The following SRPK1 variants were observed in gnomAD, a reference collection of about 807,000 sequenced individuals.
SRPK1 encodes SFRS protein kinase 1.
Under a neutral mutation model 89.5 loss-of-function variants are expected in SRPK1, and 52 were observed. The observed-to-expected ratio is 0.58, with a 90% CI of 0.46 to 0.73. The LOEUF (loss-of-function observed/expected upper bound fraction) is 0.73, where lower values mean the gene tolerates loss of function less well. Among genes scored for constraint, SRPK1 ranks in the 30% least tolerant of loss-of-function variants. The pLI, the probability that SRPK1 is intolerant of heterozygous loss-of-function variation, is 0.00. For missense variants in SRPK1, 603 were observed against 780.6 expected (o/e 0.77, Z 2.71); for synonymous variants, 255 against 270.2 (o/e 0.94, Z 0.55).
chr6:35,910,006 G>A (rs1268934633), intron 2 of SRPK1, among the ~76,000 whole-genome samples: 1 of 151,056 alleles, frequency 6.6e-6, no homozygotes, highest in Non-Finnish European at 1.5e-5. Context: ...TTTTTAAGAT[G>A]GAGTTTCGCT....
intron 2 of SRPK1, among the ~76,000 whole-genome samples, chr6:35,912,136 C>T (rs543766576): frequency 2.1e-4 from 32 of 151,748 alleles, no homozygotes; most frequent in Middle Eastern, 3.4e-3. Flanking sequence ...GAATTCAAGG[C>T]CAGCTTGAGG....
At chr6:35,836,794 T>A (rs1000893124) in intron 15 of SRPK1, among the ~76,000 whole-genome samples, 5 of 149,296 alleles carry the variant, frequency 3.3e-5, no homozygotes, top group Non-Finnish European at 5.9e-5. Context: ...TAATTTTTTT[T>A]AAACATAAAA....
At position 35,918,361 on chromosome 6, in the gene SRPK1, C is replaced by T. The variant is rs570197901; in HGVS notation, c.74+2107G>A. Among the ~76,000 whole-genome samples the T allele has an allele frequency of 2.6e-4, 40 of 151,920 alleles. 1 individual carries two copies. Among genetic ancestry groups the T allele is most frequent in the Admixed American group, 2.6e-4 (4 of 15,270 alleles). ...ACAAAAAATACAAAAATTAACCAGG[C>T]GTAGTGGCACACGCCTGTAGTCCCA... On this transcript the variant is annotated intron_variant, in intron 2 of 15. Coordinates refer to ENST00000373825, the MANE Select transcript of SRPK1 (RefSeq NM_003137.5).
At chr6:35,900,010 AT>A (rs200323366) in intron 2 of SRPK1, among the ~76,000 whole-genome samples, 36 of 150,226 alleles carry the variant, frequency 2.4e-4, no homozygotes, top group Middle Eastern at 6.8e-3. Context: ...CAAAAAAAAA[AT>A]AATAATAATA....
intron 15 of SRPK1, among the ~76,000 whole-genome samples, chr6:35,837,290 C>T (rs1769201292): frequency 6.6e-6 from 1 of 152,196 alleles, no homozygotes; most frequent in Admixed American, 6.5e-5. Flanking sequence ...GATGTAGTCC[C>T]TGCCCTTATG....
chr6:35,868,039 C>A (rs1459881395), intron 12 of SRPK1, among the ~76,000 whole-genome samples: 2 of 151,956 alleles, frequency 1.3e-5, no homozygotes, highest in Non-Finnish European at 2.9e-5. Flanking sequence ...ATGGCGTGAT[C>A]TTGGCTCGCC....
At chr6:35,901,176 T>A (rs953067681) in intron 2 of SRPK1, among the ~76,000 whole-genome samples, 4 of 152,188 alleles carry the variant, frequency 2.6e-5, no homozygotes, top group African/African-American at 9.7e-5. Flanking sequence ...AGAGGCTGAA[T>A]TGTGCCCCTC....
intron 2 of SRPK1, among the ~76,000 whole-genome samples, chr6:35,892,698 C>CACAAA (rs71833999): frequency 0.041 from 6,196 of 149,820 alleles, 240 homozygotes; most frequent in African/African-American, 0.096. Flanking sequence ...ACGACAACAA[C>CACAAA]ACAAAACAAA....
chr6:35,836,754 C>CAATAATAATAATAAT (rs10540061), intron 15 of SRPK1, among the ~76,000 whole-genome samples: 39 of 143,394 alleles, frequency 2.7e-4, no homozygotes, highest in African/African-American at 9.5e-4. Context: ...TACCCTGTCT[C>CAATAATAATAATAAT]AATAATAATA....
intron 9 of SRPK1, 53 bp downstream of exon 9, chr6:35,870,881 C>G: frequency 6.9e-7 from 1 of 1,451,632 alleles, no homozygotes; most frequent in Non-Finnish European, 9.5e-7. Flanking sequence ...ACAGAAGAAC[C>G]CATGCCCATA....
intron 2 of SRPK1, among the ~76,000 whole-genome samples, chr6:35,903,042 G>C (rs1017526248): frequency 3.3e-5 from 5 of 151,880 alleles, no homozygotes; most frequent in African/African-American, 1.2e-4. Context: ...ACTTTGGGAC[G>C]CCAAGGTGAG....
At chr6:35,920,951 G>A (rs1391196277) in intron 1 of SRPK1, 93 bp downstream of exon 1, 5 of 1,387,986 alleles carry the variant, frequency 3.6e-6, no homozygotes, top group East Asian at 6.3e-5. Flanking sequence ...TCCGGGAACC[G>A]AACCGCGGCA....
chr6:35,867,689 C>T (rs115093325), intron 12 of SRPK1, among the ~76,000 whole-genome samples: 1,821 of 152,018 alleles, frequency 0.012, 35 homozygotes, highest in African/African-American at 0.038. Flanking sequence ...TGCTGGCGCA[C>T]GCCTGTAATC....
At chr6:35,882,230 C>T (rs2127254011) in intron 6 of SRPK1, among the ~76,000 whole-genome samples, 1 of 151,154 alleles carries the variant, frequency 6.6e-6, no homozygotes, top group African/African-American at 2.4e-5. Context: ...GAGATTGAAA[C>T]ACTGACTAGA....
At chr6:35,879,331 G>A (rs542868222) in intron 6 of SRPK1, among the ~76,000 whole-genome samples, 3 of 152,050 alleles carry the variant, frequency 2.0e-5, no homozygotes, top group Non-Finnish European at 2.9e-5. Flanking sequence ...ATGACTGCTT[G>A]AGCCCAGGGG....
At chr6:35,836,874 TCTGA>T (rs1170271801) in intron 15 of SRPK1, among the ~76,000 whole-genome samples, 1 of 152,080 alleles carries the variant, frequency 6.6e-6, no homozygotes, top group Non-Finnish European at 1.5e-5. Context: ...CATGCCTTAA[TCTGA>T]CTGCACATGA....
chr6:35,861,402 G>C (rs1328816503), intron 12 of SRPK1, among the ~76,000 whole-genome samples: 2 of 152,238 alleles, frequency 1.3e-5, no homozygotes, highest in Non-Finnish European at 2.9e-5. Context: ...ACAGGCATCT[G>C]AGTCTAAGCG....
At chr6:35,887,349 C>T (rs1263017916) in intron 5 of SRPK1, among the ~76,000 whole-genome samples, 1 of 151,972 alleles carries the variant, frequency 6.6e-6, no homozygotes, top group Non-Finnish European at 1.5e-5. Context: ...CACTTGAGGC[C>T]AGGAGTTGAA....
chr6:35,882,118 CTAGTAGTAGTAGTAG>C (rs59881690), intron 6 of SRPK1, among the ~76,000 whole-genome samples: 1,478 of 140,164 alleles, frequency 0.011, 17 homozygotes, highest in African/African-American at 0.035. Flanking sequence ...AGTAGTAGTA[CTAGTAGTAGTAGTAG>C]TAGTAGTAGT....
Sources: gnomAD v4.1 joint callset for allele counts (sites outside exome capture counted in the v4.1 genomes callset) on GRCh38, gnomAD v4.1.1 for gene constraint, MANE v1.5 for transcripts, NCBI Gene and HGNC (gene_info 2026-07-23, HGNC 2026-07-21) for gene names.